Variants in BRD3 observed in about 807,000 individuals in gnomAD.
BRD3 encodes bromodomain containing 3.
A neutral mutation model predicts 66.8 loss-of-function variants in BRD3; 17 were observed. The ratio of observed to expected loss-of-function variants is 0.25; its 90% confidence interval spans 0.17 to 0.38. The LOEUF (loss-of-function observed/expected upper bound fraction) is 0.38, where lower values mean the gene tolerates loss of function less well. Among genes scored for constraint, BRD3 ranks in the 10% least tolerant of loss-of-function variants. The probability of loss-of-function intolerance (pLI) is 1.00; values close to 1 mark genes in which losing one functional copy is unlikely to be tolerated. For missense variants in BRD3, 713 were observed against 956.1 expected (o/e 0.75, Z 3.35); for synonymous variants, 421 against 393.2 (o/e 1.07, Z -0.84).
rs1588275955 is a variant in BRD3, at chr9:134,039,896, C to T, written c.1643+138G>A. 4.1e-6 allele frequency: 6 copies of T among 1,447,370 alleles called. No homozygotes were observed. In the East Asian group the frequency reaches 9.9e-5, roughly 24 times the overall value. The allele number at this position is 1,447,370 out of a possible 1,614,324, so 89.7% of individuals were successfully genotyped here. A position where few individuals can be genotyped will look rare whatever the true frequency, so the allele number is the denominator to read the frequency against. On this transcript the variant is annotated intron_variant, in intron 9 of 11. Coordinates refer to ENST00000303407, the MANE Select transcript of BRD3 (RefSeq NM_007371.4). The stretch of plus-strand genomic sequence containing the variant: ...TTCCCAGCACAGGTCTCATCAGGCC[C>T]TCTGTCTCCCTGCCCCCATCACCCT...
chr9:134,041,763 C>T lies in BRD3; in HGVS notation c.1404G>A (p.Glu468=), dbSNP rs766483583. Residue 468 remains glutamate, a synonymous_variant, in exon 8 of 12, where the codon GAG becomes GAA. Transcript: ENST00000303407. Reference sequence around the variant, plus strand: ...ACCCAAGCATGCCAGTGCCCACCTGCTCCTGCAGCTCCGCCAGCCTGGTGG... The same window carrying T: ...ACCCAAGCATGCCAGTGCCCACCTGTTCCTGCAGCTCCGCCAGCCTGGTGG... The part of the protein sequence containing the change: ...ERATRLAELQ[E]QLKAVHEQLA... 2.5e-5 allele frequency: 40 copies of T among 1,609,372 alleles called. No homozygotes were observed. Among genetic ancestry groups the T allele is most frequent in the Admixed American group, 3.3e-5 (2 of 59,860 alleles).
At chr9:134,050,698 G>A (rs1830273917) in intron 4 of BRD3, 110 bp from the exon 5 acceptor site, 2 of 873,118 alleles carry the variant, frequency 2.3e-6, no homozygotes, top group Admixed American at 5.0e-5. Flanking sequence ...GTGCTGCCAA[G>A]ACCGCCGGCC....
intron 1 of BRD3, among the ~76,000 whole-genome samples, chr9:134,065,912 G>C (rs1270537059): frequency 6.6e-6 from 1 of 152,170 alleles, no homozygotes; most frequent in Non-Finnish European, 1.5e-5. Context: ...TGGCTGCTTC[G>C]CTCTGCACAC....
intron 7 of BRD3, 115 bp from the exon 8 acceptor site, chr9:134,042,066 G>A (rs1180416461): frequency 4.9e-6 from 6 of 1,214,242 alleles, no homozygotes; most frequent in Non-Finnish European, 6.7e-6. Flanking sequence ...CTGTTACGAA[G>A]GTGGGGCTAG....
chr9:134,056,139 G>C (rs1830420287), intron 1 of BRD3: 1 of 152,336 alleles, frequency 6.6e-6, no homozygotes, highest in Admixed American at 6.5e-5. Flanking sequence ...AGCCGTCCAA[G>C]GCCCAGCCCA....
intron 1 of BRD3, chr9:134,057,020 G>A (rs899405115): frequency 6.6e-6 from 1 of 152,322 alleles, no homozygotes; most frequent in African/African-American, 2.4e-5. Context: ...ACAGACACTG[G>A]AAAGAACCAG....
chr9:134,035,132 G>A lies in BRD3; in HGVS notation c.1937-303C>T, dbSNP rs148154897. Among the ~76,000 whole-genome samples the A allele has an allele frequency of 2.2e-3, 337 of 152,290 alleles. 9 individuals carry two copies. In the East Asian group the frequency reaches 0.048, roughly 22 times the overall value. On this transcript the variant is annotated intron_variant, in intron 10 of 11. Coordinates refer to ENST00000303407, the MANE Select transcript of BRD3 (RefSeq NM_007371.4). The stretch of plus-strand genomic sequence containing the variant: ...GCAAACAGGTGCACGGACAGGATGC[G>A]GTTTGGCCAACGTCCCTCATGTGCA...
chr9:134,034,126 G>A (rs1276460748), intron 11 of BRD3, among the ~76,000 whole-genome samples: 3 of 152,190 alleles, frequency 2.0e-5, no homozygotes, highest in African/African-American at 7.2e-5. Context: ...ATGTCGCAAG[G>A]CCATGGCCCC....
At chr9:134,034,569 G>A in intron 11 of BRD3, 132 bp downstream of exon 11, 1 of 1,290,062 alleles carries the variant, frequency 7.8e-7, no homozygotes, top group Non-Finnish European at 1.0e-6. Flanking sequence ...GAGCTCAAGA[G>A]CTCGTCTAAG....
Position 134,033,713 on chromosome 9 carries a change from G to C in BRD3, c.2066-8C>G. 2.7e-6 allele frequency: 2 copies of C among 727,436 alleles called. No homozygotes were observed. Among genetic ancestry groups the C allele is most frequent in the South Asian group, 2.9e-5 (2 of 69,796 alleles). The allele number at this position is 727,436 out of a possible 1,614,324, so 45.1% of individuals were successfully genotyped here. On this transcript the variant is annotated splice_polypyrimidine_tract_variant and splice_region_variant and intron_variant, in intron 11 of 11. Coordinates refer to ENST00000303407, the MANE Select transcript of BRD3 (RefSeq NM_007371.4). This position sits in a 1 kb window ranked among gnomAD's most constrained non-coding sequence, Gnocchi z 5.1. ...GTGCTGAGCCGGGCTTCTCTGTGGA[G>C]ACATGGGCAGGGAGATGCGCTCGCA...
chr9:134,040,695 C>T (rs1291155578), intron 8 of BRD3, among the ~76,000 whole-genome samples: 3 of 152,208 alleles, frequency 2.0e-5, no homozygotes, highest in Non-Finnish European at 4.4e-5. Context: ...GGGCAGCTAA[C>T]ATTTTTATTA....
Position 134,032,299 on chromosome 9 carries a change from A to G in BRD3, c.*1291T>C, listed in dbSNP as rs1843522017. ...TCAGATTACAAAGTTTATATTATAT[A>G]ACTGGGGTTCCCTAAATTGATTTCT... On this transcript the variant is annotated 3_prime_UTR_variant, in exon 12 of 12. Coordinates refer to ENST00000303407, the MANE Select transcript of BRD3 (RefSeq NM_007371.4). 1 of 220,664 alleles carries G rather than the reference A, an allele frequency of 4.5e-6. No individual in the cohort carries two copies. Among genetic ancestry groups the G allele is most frequent in the African/African-American group, 2.2e-5 (1 of 44,586 alleles). 13.7% of individuals were successfully genotyped at this position (220,664 alleles called of 1,614,324 possible). A position where few individuals can be genotyped will look rare whatever the true frequency, so the allele number is the denominator to read the frequency against.
intron 7 of BRD3, among the ~76,000 whole-genome samples, chr9:134,044,686 A>AGCACACACAC (rs1161314663): frequency 6.6e-6 from 1 of 152,124 alleles, no homozygotes; most frequent in East Asian, 1.9e-4. Context: ...CGCAGGCAGG[A>AGCACACACAC]GCACACACAC....
intron 9 of BRD3, chr9:134,036,589 T>A: frequency 6.2e-7 from 1 of 1,607,784 alleles, no homozygotes; most frequent in Non-Finnish European, 8.5e-7. Context: ...CAAGAAATGA[T>A]CTCTGTATTC....
At chr9:134,049,968 G>A (rs989756315) in intron 5 of BRD3, among the ~76,000 whole-genome samples, 2 of 152,256 alleles carry the variant, frequency 1.3e-5, no homozygotes, top group African/African-American at 2.4e-5. Context: ...GCCCACAGGC[G>A]GGGCCAGCTT....
chr9:134,053,200 A>C, intron 2 of BRD3, 65 bp downstream of exon 2: 1 of 1,549,414 alleles, frequency 6.5e-7, no homozygotes, highest in Non-Finnish European at 8.9e-7. Context: ...GGATGGGGGC[A>C]GCAGGAGGGG....
Position 134,045,554 on chromosome 9 carries a change from G to A in BRD3, c.1087-133C>T, listed in dbSNP as rs1830149563. ...AGGGCAGTGCCTACTGGCCTGGCCGGCAGGACACCCCAGCTCTCTGGGACC... is the reference window on the plus strand; with the variant it reads ...AGGGCAGTGCCTACTGGCCTGGCCGACAGGACACCCCAGCTCTCTGGGACC... On this transcript the variant is annotated intron_variant, in intron 6 of 11. Coordinates refer to ENST00000303407, the MANE Select transcript of BRD3 (RefSeq NM_007371.4). This position sits in a 1 kb window ranked among gnomAD's most constrained non-coding sequence, Gnocchi z 4.8. 1.5e-6 allele frequency: 2 copies of A among 1,310,284 alleles called. No homozygotes were observed. Among genetic ancestry groups the A allele is most frequent in the East Asian group, 2.3e-5 (1 of 42,908 alleles). 81.2% of individuals were successfully genotyped at this position (1,310,284 alleles called of 1,614,324 possible).
intron 1 of BRD3, among the ~76,000 whole-genome samples, chr9:134,063,385 G>A (rs1428423657): frequency 1.3e-5 from 2 of 152,208 alleles, no homozygotes; most frequent in Non-Finnish European, 2.9e-5. Context: ...CCTGTGGTGT[G>A]GGCAGATGGG....
At chr9:134,061,706 G>A (rs1322468545) in intron 1 of BRD3, among the ~76,000 whole-genome samples, 1 of 152,230 alleles carries the variant, frequency 6.6e-6, no homozygotes, top group South Asian at 2.1e-4. Context: ...TTCCATAAGT[G>A]GAGGGGACGC....
Sources: allele counts gnomAD v4.1 joint callset (sites outside exome capture counted in the v4.1 genomes callset), GRCh38; gene constraint gnomAD v4.1.1; non-coding constraint Gnocchi (gnomAD v3.1); transcripts MANE v1.5; gene names NCBI Gene and HGNC (gene_info 2026-07-23, HGNC 2026-07-21).